AGBL4: variants seen among roughly 807,000 people sequenced by gnomAD.
AGBL4 encodes AGBL carboxypeptidase 4.
Under a neutral mutation model 66.4 loss-of-function variants are expected in AGBL4, and 58 were observed. That is an observed-to-expected ratio of 0.87 (90% CI 0.71 to 1.09). The LOEUF (loss-of-function observed/expected upper bound fraction) is 1.09, where lower values mean the gene tolerates loss of function less well. Among genes scored for constraint, AGBL4 ranks in the 50% least tolerant of loss-of-function variants. AGBL4 has a pLI of 0.00. For synonymous variants in AGBL4, 234 were observed against 222.9 expected (o/e 1.05, Z -0.44); for missense variants, 579 against 631.0 (o/e 0.92, Z 0.88).
rs541755973 is a variant in AGBL4, at chr1:48,592,281, T to C, written c.952-1296A>G. 2.9e-4 allele frequency among the ~76,000 whole-genome samples: 44 copies of C among 152,330 alleles called. No individual in the cohort carries two copies. The South Asian group carries it at 9.1e-3, about 32-fold the overall frequency. On this transcript the variant is annotated intron_variant, in intron 9 of 13. Coordinates refer to ENST00000371839, the MANE Select transcript of AGBL4 (RefSeq NM_032785.4). The stretch of plus-strand genomic sequence containing the variant: ...ACCTCTCCATCCTCTTTCTAGTACA[T>C]AGTCCTGGGAAAGAAGAAAAGTGCA...
intron 6 of AGBL4, among the ~76,000 whole-genome samples, chr1:48,765,188 G>A (rs1644470808): frequency 6.6e-6 from 1 of 152,102 alleles, no homozygotes. Flanking sequence ...CTTATCCACT[G>A]GCGTATGAGT....
At chr1:49,181,319 C>T (rs1646927435) in intron 4 of AGBL4, among the ~76,000 whole-genome samples, 1 of 152,132 alleles carries the variant, frequency 6.6e-6, no homozygotes, top group Admixed American at 6.5e-5. Flanking sequence ...CTTCAGAAAA[C>T]CATCCCACAC....
At chr1:49,698,106 A>C (rs1647021417) in intron 2 of AGBL4, among the ~76,000 whole-genome samples, 1 of 152,116 alleles carries the variant, frequency 6.6e-6, no homozygotes, top group African/African-American at 2.4e-5. Flanking sequence ...TTTCTCACTG[A>C]TATTCTAATG....
chr1:49,298,639 T>TCCCC (rs1644687152), intron 3 of AGBL4, among the ~76,000 whole-genome samples: 1 of 140,998 alleles, frequency 7.1e-6, no homozygotes, highest in African/African-American at 2.7e-5. Context: ...CCTCCCTCCC[T>TCCCC]CCCTCCCTCC....
At chr1:48,705,781 T>C (rs1332404482) in intron 6 of AGBL4, among the ~76,000 whole-genome samples, 1 of 152,160 alleles carries the variant, frequency 6.6e-6, no homozygotes, top group Admixed American at 6.5e-5. Context: ...AAAGCAGAAT[T>C]TGAGGCAAAA....
chr1:49,854,198 G>A (rs977898946), intron 1 of AGBL4, among the ~76,000 whole-genome samples: 2 of 151,198 alleles, frequency 1.3e-5, no homozygotes, highest in African/African-American at 4.9e-5. Context: ...CATTCACAAG[G>A]AAGGGGCAAG....
chr1:49,395,836 T>C (rs1349591407), intron 3 of AGBL4, among the ~76,000 whole-genome samples: 2 of 80,278 alleles, frequency 2.5e-5, no homozygotes, highest in Admixed American at 1.5e-4. Flanking sequence ...TATGTGTATA[T>C]ATATATATAT....
intron 4 of AGBL4, among the ~76,000 whole-genome samples, chr1:49,244,511 C>G (rs923593557): frequency 1.3e-5 from 2 of 151,744 alleles, no homozygotes; most frequent in Admixed American, 1.3e-4. Context: ...CTTTTATAAA[C>G]CTGAGCTTCT....
chr1:49,697,452 T>G lies in AGBL4; in HGVS notation c.158-15A>C. ...GCCCAGGTTACCTGGTAATAAAAAT[T>G]AAGAGAATTGGATTTTAATAGAAGT... On this transcript the variant is annotated splice_polypyrimidine_tract_variant and intron_variant, in intron 2 of 13. Transcript: ENST00000371839. 1 of 1,494,558 alleles carries G rather than the reference T, an allele frequency of 6.7e-7. No individual in the cohort carries two copies. Among genetic ancestry groups the G allele is most frequent in the South Asian group, 1.3e-5 (1 of 78,060 alleles). 92.6% of individuals were successfully genotyped at this position (1,494,558 alleles called of 1,614,324 possible).
chr1:49,288,708 G>A (rs917110063), intron 3 of AGBL4, among the ~76,000 whole-genome samples: 1 of 152,154 alleles, frequency 6.6e-6, no homozygotes, highest in African/African-American at 2.4e-5. Flanking sequence ...CTACCAAGTT[G>A]GAAAATTGTG....
At chr1:49,184,025 G>A (rs1288655597) in intron 4 of AGBL4, among the ~76,000 whole-genome samples, 1 of 152,122 alleles carries the variant, frequency 6.6e-6, no homozygotes, top group Non-Finnish European at 1.5e-5. Flanking sequence ...TCTCAAGGCT[G>A]GGACTGGAAC....
At chr1:49,141,139 G>A (rs1032171291) in intron 4 of AGBL4, among the ~76,000 whole-genome samples, 1 of 152,114 alleles carries the variant, frequency 6.6e-6, no homozygotes, top group Admixed American at 6.6e-5. Context: ...GTTATATTCA[G>A]TGTAACAAAC....
At chr1:49,456,808 G>A (rs529737302) in intron 3 of AGBL4, among the ~76,000 whole-genome samples, 17 of 151,824 alleles carry the variant, frequency 1.1e-4, no homozygotes, top group Admixed American at 7.2e-4. Context: ...CCAATTATGA[G>A]CGAGAACATA....
chr1:49,818,990 C>G (rs921561285), intron 2 of AGBL4, among the ~76,000 whole-genome samples: 1 of 152,108 alleles, frequency 6.6e-6, no homozygotes, highest in African/African-American at 2.4e-5. Context: ...CTATCATTTA[C>G]TAACAGTTAC....
chr1:49,893,742 C>T (rs976647452), intron 1 of AGBL4, among the ~76,000 whole-genome samples: 3 of 152,198 alleles, frequency 2.0e-5, no homozygotes, highest in African/African-American at 7.2e-5. Context: ...TTTTTGACTC[C>T]AGTCTCTGCC....
intron 4 of AGBL4, among the ~76,000 whole-genome samples, chr1:49,198,677 T>C (rs187274169): frequency 3.7e-4 from 56 of 152,122 alleles, no homozygotes; most frequent in Admixed American, 3.7e-3. Flanking sequence ...TTCTTCCAAG[T>C]GGGTGAGGTA....
intron 6 of AGBL4, among the ~76,000 whole-genome samples, chr1:48,805,591 G>T (rs1240233842): frequency 6.6e-6 from 1 of 152,176 alleles, no homozygotes; most frequent in East Asian, 1.9e-4. Flanking sequence ...TATATTAGGG[G>T]CTCAGTGAGG....
chr1:48,981,855 C>T (rs567447153), intron 5 of AGBL4, among the ~76,000 whole-genome samples: 5 of 152,268 alleles, frequency 3.3e-5, no homozygotes, highest in African/African-American at 9.6e-5. Context: ...AAGATTGTGC[C>T]ATTGCACACC....
intron 1 of AGBL4, among the ~76,000 whole-genome samples, chr1:49,947,673 A>G (rs1283297297): frequency 6.6e-6 from 1 of 151,610 alleles, no homozygotes; most frequent in Non-Finnish European, 1.5e-5. Context: ...TCTTCAATAT[A>G]GTACTGGAAG....
Sources: allele counts gnomAD v4.1 joint callset (sites outside exome capture counted in the v4.1 genomes callset), GRCh38; gene constraint gnomAD v4.1.1; transcripts MANE v1.5; gene names NCBI Gene and HGNC (gene_info 2026-07-23, HGNC 2026-07-21).